CMTM7: variants seen among roughly 807,000 people sequenced by gnomAD.
CMTM7 encodes the protein CKLF like MARVEL transmembrane domain containing 7, also known as CKLF-like MARVEL transmembrane domain-containing protein 7.
CMTM7 carries 7 observed loss-of-function variants against 19.3 expected under a neutral mutation model. The ratio of observed to expected loss-of-function variants is 0.36; its 90% CI spans 0.21 to 0.68. CMTM7 has a LOEUF of 0.68. Ranked by LOEUF, CMTM7 falls within the 30% of genes least tolerant of loss-of-function variation. The pLI is 0.60. For missense variants in CMTM7, 193 were observed against 232.6 expected, an observed-to-expected ratio of 0.83 and a Z score of 1.11; for synonymous variants, 87 against 99.3, an observed-to-expected ratio of 0.88 and a Z score of 0.74.
At chr3:32,399,455 T>G (rs1158738573) in intron 1 of CMTM7, among the ~76,000 whole-genome samples, 2 of 151,742 alleles carry the variant, frequency 1.3e-5, no homozygotes, top group African/African-American at 2.4e-5. Context: ...CTGGGGGGAG[T>G]ACACTAAGGT....
At chr3:32,403,709 C>G (rs887311077) in intron 1 of CMTM7, among the ~76,000 whole-genome samples, 6 of 152,102 alleles carry the variant, frequency 3.9e-5, no homozygotes, top group African/African-American at 1.4e-4. Flanking sequence ...TTTTCATGAT[C>G]ATTATGTTGT....
At chr3:32,409,436 G>T (rs1035295556) in intron 1 of CMTM7, among the ~76,000 whole-genome samples, 1 of 152,112 alleles carries the variant, frequency 6.6e-6, no homozygotes, top group African/African-American at 2.4e-5. Flanking sequence ...TTACATAATT[G>T]CAGTACAGTT....
chr3:32,404,335 A>G (rs1696059025), intron 1 of CMTM7, among the ~76,000 whole-genome samples: 1 of 151,334 alleles, frequency 6.6e-6, no homozygotes, highest in African/African-American at 2.4e-5. Context: ...TAATTTTTGT[A>G]ATTTTGTAGA....
chr3:32,423,615 C>T (rs955250475), intron 1 of CMTM7, among the ~76,000 whole-genome samples: 13 of 152,262 alleles, frequency 8.5e-5, no homozygotes, highest in South Asian at 4.1e-4. Flanking sequence ...CAGTTAGCCC[C>T]GTCAGAGCCT....
chr3:32,452,604 A>G, intron 4 of CMTM7, 131 bp downstream of exon 4: 1 of 877,534 alleles, frequency 1.1e-6, no homozygotes, highest in Non-Finnish European at 1.8e-6. Context: ...AAGTAGTATT[A>G]GAGCACAGGG....
At chr3:32,448,294 G>T (rs1181823108) in intron 2 of CMTM7, among the ~76,000 whole-genome samples, 1 of 152,200 alleles carries the variant, frequency 6.6e-6, no homozygotes, top group Non-Finnish European at 1.5e-5. Context: ...AAATCTCTGT[G>T]ATCTATCTTG....
At chr3:32,435,169 C>A (rs347146) in intron 1 of CMTM7, among the ~76,000 whole-genome samples, 1 of 151,934 alleles carries the variant, frequency 6.6e-6, no homozygotes, top group Admixed American at 6.6e-5. Context: ...TTTGGGAGGC[C>A]GAGGCGGGTG....
At chr3:32,415,990 T>C (rs1049898860) in intron 1 of CMTM7, among the ~76,000 whole-genome samples, 1 of 152,192 alleles carries the variant, frequency 6.6e-6, no homozygotes, top group Non-Finnish European at 1.5e-5. Flanking sequence ...ATGCCAGGCC[T>C]GTGTTTTTGA....
chr3:32,395,067 T>G (rs1481553258), intron 1 of CMTM7, among the ~76,000 whole-genome samples: 1 of 151,266 alleles, frequency 6.6e-6, no homozygotes, highest in Admixed American at 6.6e-5. Flanking sequence ...GACAGTGGTG[T>G]TATCATGGCT....
intron 1 of CMTM7, among the ~76,000 whole-genome samples, chr3:32,424,820 A>G (rs541201835): frequency 1.3e-5 from 2 of 152,076 alleles, no homozygotes; most frequent in South Asian, 4.2e-4. Flanking sequence ...TAACTTTTCA[A>G]TTTTTTGTAG....
chr3:32,429,675 A>T (rs1415478272), intron 1 of CMTM7, among the ~76,000 whole-genome samples: 1 of 146,282 alleles, frequency 6.8e-6, no homozygotes, highest in Non-Finnish European at 1.5e-5. Flanking sequence ...ATCTTGGCTC[A>T]CTGCAAGCTC....
intron 4 of CMTM7, among the ~76,000 whole-genome samples, chr3:32,453,663 G>T (rs746332351): frequency 9.8e-5 from 15 of 152,304 alleles, no homozygotes; most frequent in Non-Finnish European, 1.8e-4. Flanking sequence ...ACCCATGGCG[G>T]CCTGGGGCTG....
rs59568281 is a variant in CMTM7, at chr3:32,442,498, CAAAAAAAAAAAA to C, written c.333+503_333+514del. Reference sequence around the variant, plus strand: ...CTGGGTGACAGAGCGAGACTCCTCTCAAAAAAAAAAAAAAAAAAAAAAAAAAAAAGAAGAAGG... The same window carrying C: ...CTGGGTGACAGAGCGAGACTCCTCTCAAAAAAAAAAAAAAAAAGAAGAAGG... On this transcript the variant is annotated intron_variant, in intron 2 of 4. Coordinates refer to ENST00000334983, the MANE Select transcript of CMTM7 (RefSeq NM_138410.4). 1.5e-4 allele frequency among the ~76,000 whole-genome samples: 12 copies of C among 80,048 alleles called. No individual in the cohort carries two copies. In the South Asian group the frequency reaches 2.2e-3, roughly 14 times the overall value. 52.5% of individuals were successfully genotyped at this position (80,048 alleles called of 152,430 possible).
At chr3:32,421,542 G>A (rs545678917) in intron 1 of CMTM7, among the ~76,000 whole-genome samples, 9 of 152,262 alleles carry the variant, frequency 5.9e-5, no homozygotes, top group Middle Eastern at 3.4e-3. Context: ...CTCTTCATAC[G>A]GGACATGCCT....
At chr3:32,443,133 CTG>C (rs1056172910) in intron 2 of CMTM7, among the ~76,000 whole-genome samples, 1 of 152,168 alleles carries the variant, frequency 6.6e-6, no homozygotes, top group Non-Finnish European at 1.5e-5. Context: ...GGGTCTCACT[CTG>C]TCACCCAGGC....
intron 1 of CMTM7, among the ~76,000 whole-genome samples, chr3:32,416,945 C>G (rs980498361): frequency 1.3e-5 from 2 of 152,152 alleles, no homozygotes; most frequent in African/African-American, 4.8e-5. Flanking sequence ...ACAGCAGTGT[C>G]ATTGTGTGGT....
chr3:32,431,281 C>T (rs1696514718), intron 1 of CMTM7, among the ~76,000 whole-genome samples: 2 of 152,144 alleles, frequency 1.3e-5, no homozygotes, highest in African/African-American at 4.8e-5. Context: ...AGAAATACCT[C>T]GAAATGCCAG....
chr3:32,436,156 G>T (rs1377762585), intron 1 of CMTM7, among the ~76,000 whole-genome samples: 3 of 152,178 alleles, frequency 2.0e-5, no homozygotes, highest in Admixed American at 6.5e-5. Context: ...GGTTTCTATG[G>T]CATTTTCATT....
chr3:32,436,349 G>A (rs1696597797), intron 1 of CMTM7, among the ~76,000 whole-genome samples: 1 of 152,128 alleles, frequency 6.6e-6, no homozygotes, highest in East Asian at 1.9e-4. Flanking sequence ...TAACAGGGAG[G>A]CACGGGTGAA....
Sources: allele counts gnomAD v4.1 joint callset (sites outside exome capture counted in the v4.1 genomes callset), GRCh38; gene constraint gnomAD v4.1.1; transcripts MANE v1.5; gene names NCBI Gene and HGNC (gene_info 2026-07-23, HGNC 2026-07-21).